Variants in C5orf63 observed in about 807,000 individuals in gnomAD.
C5orf63 encodes glutaredoxin-like protein C5orf63.
Under a neutral mutation model 13.3 loss-of-function variants are expected in C5orf63, and 18 were observed. The observed-to-expected ratio is 1.36, with a 90% CI of 0.94 to 2.01. C5orf63 has a LOEUF of 2.01. C5orf63 is among the 30% of genes most tolerant of loss of function. The pLI, the probability that C5orf63 is intolerant of heterozygous loss-of-function variation, is 0.00. For missense variants in C5orf63, 118 were observed against 127.7 expected, an observed-to-expected ratio of 0.92 and a Z score of 0.36; for synonymous variants, 38 against 44.7, an observed-to-expected ratio of 0.85 and a Z score of 0.60.
chr5:127,067,445 C>G (rs1329274138), intron 2 of C5orf63, among the ~76,000 whole-genome samples: 1 of 152,078 alleles, frequency 6.6e-6, no homozygotes, highest in Non-Finnish European at 1.5e-5. Context: ...AAAGTTTTCT[C>G]ACAAATATTA....
At position 127,057,633 on chromosome 5, in the gene C5orf63, C is replaced by T. The variant is rs78261113; in HGVS notation, c.114+1249G>A. 8.5e-3 allele frequency among the ~76,000 whole-genome samples: 1,295 copies of T among 152,312 alleles called. 20 individuals are homozygous for T. Among genetic ancestry groups the T allele is most frequent in the African/African-American group, 0.029 (1,225 of 41,554 alleles). The stretch of plus-strand genomic sequence containing the variant: ...GCAACCCCCAAGTCAATACTTGAAG[C>T]GCTTTTGCAGGTATTCACAGACATG... On this transcript the variant is annotated intron_variant, in intron 3 of 4. Coordinates refer to ENST00000296662, the MANE Select transcript of C5orf63 (RefSeq NM_001164478.2).
chr5:127,052,702 C>T (rs1753724944), intron 3 of C5orf63, 33 bp from the exon 4 acceptor site: 4 of 1,452,342 alleles, frequency 2.8e-6, no homozygotes, highest in Admixed American at 5.9e-5. Flanking sequence ...AGCGATTAAA[C>T]CCAAAGAATG....
chr5:127,053,250 G>A (rs1223689053), intron 3 of C5orf63, among the ~76,000 whole-genome samples: 1 of 152,156 alleles, frequency 6.6e-6, no homozygotes, highest in Non-Finnish European at 1.5e-5. Context: ...AGGTTTCCTG[G>A]ACAAATTCTC....
chr5:127,059,339 TA>T (rs2126890211), intron 2 of C5orf63, among the ~76,000 whole-genome samples: 1 of 152,254 alleles, frequency 6.6e-6, no homozygotes, highest in South Asian at 2.1e-4. Flanking sequence ...GATGATCCCC[TA>T]AAATATGGAG....
chr5:127,051,499 A>G lies in C5orf63; in HGVS notation c.*272T>C, dbSNP rs1753673396. The G allele has an allele frequency of 1.6e-6, 2 of 1,235,496 alleles. No homozygotes were observed. Among genetic ancestry groups the G allele is most frequent in the South Asian group, 8.1e-5 (2 of 24,704 alleles). 76.5% of individuals were successfully genotyped at this position (1,235,496 alleles called of 1,614,324 possible). A position where few individuals can be genotyped will look rare whatever the true frequency, so the allele number is the denominator to read the frequency against. On this transcript the variant is annotated 3_prime_UTR_variant, in exon 5 of 5. Coordinates refer to ENST00000296662, the MANE Select transcript of C5orf63 (RefSeq NM_001164478.2). ...GAAGTGCTTCTCTATTAATACAAAA[A>G]GGATAAATAAGACAAATGGACTTCT...
At chr5:127,053,032 T>G (rs1753742998) in intron 3 of C5orf63, among the ~76,000 whole-genome samples, 2 of 152,212 alleles carry the variant, frequency 1.3e-5, no homozygotes, top group Non-Finnish European at 2.9e-5. Context: ...ACAGTTGGCC[T>G]GGCTGACACC....
intron 2 of C5orf63, among the ~76,000 whole-genome samples, chr5:127,067,028 T>G (rs1723185108): frequency 6.6e-6 from 1 of 152,162 alleles, no homozygotes; most frequent in South Asian, 2.1e-4. Flanking sequence ...AAGAGATGCA[T>G]CTAATGTTGC....
Position 127,051,834 on chromosome 5 carries a change from T to C in C5orf63, c.285A>G (p.Arg95=). 6.5e-7 allele frequency: 1 copy of C among 1,536,276 alleles called. No homozygotes were observed. Among genetic ancestry groups the C allele is most frequent in the Non-Finnish European group, 8.7e-7 (1 of 1,146,390 alleles). Residue 95 remains arginine, a synonymous_variant, in exon 5 of 5, where the codon CGA becomes CGG. Transcript: ENST00000296662. ...HLNGQFLMMH[R]VNTSKLEKQL... ...GTTTTTCAAGTTTTGAGGTGTTTAC[T>C]CGATGCATCATCAGAAACTGGCCAT...
downstream of C5orf63, chr5:127,046,475 G>T (rs970762995): frequency 2.0e-5 from 3 of 152,284 alleles, no homozygotes; most frequent in Non-Finnish European, 4.4e-5. Context: ...TAGGATATAA[G>T]TGAACTTACC....
chr5:127,053,160 T>A (rs1248222754), intron 3 of C5orf63, among the ~76,000 whole-genome samples: 1 of 152,190 alleles, frequency 6.6e-6, no homozygotes, highest in Admixed American at 6.5e-5. Flanking sequence ...AATTGCCTCA[T>A]CTTTAAAAAG....
rs187315581 is a variant in C5orf63 at position 127,067,746 on chromosome 5, T to C, written c.-8+3838A>G. ...GAAAAATTCAGTACCATTATTATTT[T>C]ACCAAGGATATCCTCAATTCATGCA... On this transcript the variant is annotated intron_variant, in intron 2 of 4. Coordinates refer to ENST00000296662, the MANE Select transcript of C5orf63 (RefSeq NM_001164478.2). Among the ~76,000 whole-genome samples, 27 of 152,318 alleles carry C rather than the reference T, an allele frequency of 1.8e-4. No homozygotes were observed. The Middle Eastern group carries it at 0.01, about 58-fold the overall frequency.
chr5:127,058,548 C>T (rs572443846), intron 3 of C5orf63, among the ~76,000 whole-genome samples: 25 of 152,200 alleles, frequency 1.6e-4, no homozygotes, highest in African/African-American at 5.8e-4. Flanking sequence ...ATTAATTCAG[C>T]GTTCAAGGTG....
In C5orf63 at chr5:127,066,559, GT is replaced by G. The variant is rs780283014; in HGVS notation, c.-8+5024del. Among the ~76,000 whole-genome samples, 36 of 152,158 alleles carry G rather than the reference GT, an allele frequency of 2.4e-4. No individual in the cohort carries two copies. In the East Asian group the frequency reaches 2.9e-3, roughly 12 times the overall value. On this transcript the variant is annotated intron_variant, in intron 2 of 4. Transcript: ENST00000296662. ...AGCCTCTAGGTGGGTGGCAGTGCCT[GT>G]TACTAAAATAAGGAAAACTGAGGCA... is the stretch of plus-strand genomic sequence containing the variant.
intron 1 of C5orf63, chr5:127,073,174 CG>C (rs1754620215): frequency 6.6e-6 from 1 of 151,374 alleles, no homozygotes; most frequent in African/African-American, 2.4e-5. Flanking sequence ...TCTGCTTTCT[CG>C]AGATGTTTTC....
At chr5:127,067,089 C>T (rs1199000944) in intron 2 of C5orf63, among the ~76,000 whole-genome samples, 1 of 152,110 alleles carries the variant, frequency 6.6e-6, no homozygotes, top group Non-Finnish European at 1.5e-5. Context: ...AATGAACTAC[C>T]TTAAGTGGTT....
intron 2 of C5orf63, among the ~76,000 whole-genome samples, chr5:127,063,454 G>A (rs1029126720): frequency 6.6e-6 from 1 of 152,158 alleles, no homozygotes; most frequent in African/African-American, 2.4e-5. Flanking sequence ...TTCAAACACT[G>A]TGTGTGTCTG....
downstream of C5orf63, among the ~76,000 whole-genome samples, chr5:127,048,802 C>T (rs534425388): frequency 9.9e-5 from 15 of 152,180 alleles, no homozygotes; most frequent in African/African-American, 3.4e-4. Flanking sequence ...AGAGAACAAA[C>T]GTCTCTAGGC....
downstream of C5orf63, chr5:127,042,846 A>G (rs1338642274): frequency 6.6e-6 from 1 of 152,204 alleles, no homozygotes; most frequent in Non-Finnish European, 1.5e-5. Context: ...GTTCCATTAA[A>G]TGTTTAAATT....
chr5:127,069,457 T>C (rs552934215), intron 2 of C5orf63, among the ~76,000 whole-genome samples: 2 of 152,178 alleles, frequency 1.3e-5, no homozygotes, highest in African/African-American at 2.4e-5. Context: ...TCAAAAACCA[T>C]CCACCCAGGC....
Sources: gnomAD v4.1 joint callset for allele counts (sites outside exome capture counted in the v4.1 genomes callset) on GRCh38, gnomAD v4.1.1 for gene constraint, MANE v1.5 for transcripts, NCBI Gene and HGNC (gene_info 2026-07-23, HGNC 2026-07-21) for gene names.